MACROD2: variants seen among roughly 807,000 people sequenced by gnomAD.
MACROD2 encodes the protein ADP-ribose glycohydrolase MACROD2.
Under a neutral mutation model 70.4 loss-of-function variants are expected in MACROD2, and 36 were observed. The ratio of observed to expected loss-of-function variants is 0.51; its 90% CI spans 0.39 to 0.68. The LOEUF (loss-of-function observed/expected upper bound fraction) is 0.68. Among genes scored for constraint, MACROD2 ranks in the 30% least tolerant of loss-of-function variants. The pLI, the probability that MACROD2 is intolerant of heterozygous loss-of-function variation, is 0.00. For missense variants in MACROD2, 496 were observed against 538.4 expected (o/e 0.92, Z 0.78); for synonymous variants, 172 against 178.8 (o/e 0.96, Z 0.30).
At chr20:15,195,763 A>T (rs769228854) in intron 5 of MACROD2, among the ~76,000 whole-genome samples, 7 of 152,206 alleles carry the variant, frequency 4.6e-5, no homozygotes, top group Non-Finnish European at 7.3e-5. Context: ...TTATTCTATT[A>T]TAAAGATGCA....
At chr20:14,506,990 C>T (rs753614614) in intron 4 of MACROD2, among the ~76,000 whole-genome samples, 7 of 152,000 alleles carry the variant, frequency 4.6e-5, no homozygotes, top group Non-Finnish European at 7.4e-5. Flanking sequence ...TCCAGAGTTG[C>T]GATACTATAT....
intron 5 of MACROD2, among the ~76,000 whole-genome samples, chr20:14,865,907 T>C (rs2073423023): frequency 1.3e-5 from 2 of 152,136 alleles, no homozygotes; most frequent in African/African-American, 4.8e-5. Context: ...AAGATGTGCT[T>C]GCAACTTTCA....
intron 5 of MACROD2, among the ~76,000 whole-genome samples, chr20:14,784,155 G>A (rs6042918): frequency 0.037 from 5,638 of 151,960 alleles, 298 homozygotes; most frequent in East Asian, 0.11. Context: ...TCTCTTCCTC[G>A]CTCCTACAGT....
At chr20:14,155,055 ATC>A (rs1456515923) in intron 3 of MACROD2, among the ~76,000 whole-genome samples, 2 of 152,132 alleles carry the variant, frequency 1.3e-5, no homozygotes, top group African/African-American at 4.8e-5. Flanking sequence ...CGTAGTTGAA[ATC>A]TCTGTTAATT....
chr20:14,913,011 A>G (rs1040366273), intron 5 of MACROD2, among the ~76,000 whole-genome samples: 5 of 152,150 alleles, frequency 3.3e-5, no homozygotes, highest in African/African-American at 1.2e-4. Flanking sequence ...TCTCTCTTCT[A>G]TAGCCCTGTT....
intron 8 of MACROD2, among the ~76,000 whole-genome samples, chr20:15,695,855 G>C (rs2050361430): frequency 1.3e-5 from 2 of 152,032 alleles, no homozygotes; most frequent in Admixed American, 6.5e-5. Flanking sequence ...ATCACTGTTT[G>C]TGTGTAGAAG....
intron 5 of MACROD2, among the ~76,000 whole-genome samples, chr20:15,056,024 T>C (rs2075482346): frequency 6.6e-6 from 1 of 152,032 alleles, no homozygotes; most frequent in East Asian, 1.9e-4. Context: ...TGACCTCAAG[T>C]GATCCGCCTG....
intron 6 of MACROD2, among the ~76,000 whole-genome samples, chr20:15,235,347 G>A (rs889462537): frequency 3.3e-5 from 5 of 152,268 alleles, no homozygotes; most frequent in African/African-American, 1.2e-4. Context: ...ATTTCCACAA[G>A]CATCATGCTA....
chr20:14,456,071 A>G (rs2084299023), intron 3 of MACROD2, among the ~76,000 whole-genome samples: 1 of 151,810 alleles, frequency 6.6e-6, no homozygotes, highest in Non-Finnish European at 1.5e-5. Flanking sequence ...CTAAGGCCAT[A>G]ATCAAAATTA....
chr20:15,359,342 T>G (rs1355025215), intron 6 of MACROD2, among the ~76,000 whole-genome samples: 1 of 152,026 alleles, frequency 6.6e-6, no homozygotes, highest in Non-Finnish European at 1.5e-5. Flanking sequence ...TTTGGGAGAT[T>G]TTTTAATTTT....
chr20:15,230,029 A>G lies in MACROD2; in HGVS notation c.508A>G (p.Lys170Glu). ...DLANCYKSSL[K>E]LVKENNIRSV... Reference sequence around the variant, plus strand: ...TGCAAATTGCTATAAATCATCTCTGAAGCTCGTGAAAGAAAATAACATCCG... The same window carrying G: ...TGCAAATTGCTATAAATCATCTCTGGAGCTCGTGAAAGAAAATAACATCCG... Residue 170 changes from lysine to glutamate, a missense_variant, in exon 6 of 18, where the codon AAG (lysine) becomes GAG (glutamate). Coordinates refer to ENST00000684519, the MANE Select transcript of MACROD2 (RefSeq NM_001351661.2). 1 of 1,613,636 alleles carries G rather than the reference A, an allele frequency of 6.2e-7. No individual in the cohort carries two copies. Among genetic ancestry groups the G allele is most frequent in the Non-Finnish European group, 8.5e-7 (1 of 1,179,714 alleles).
intron 4 of MACROD2, among the ~76,000 whole-genome samples, chr20:14,643,691 A>T (rs746207136): frequency 6.6e-6 from 1 of 152,184 alleles, no homozygotes; most frequent in Non-Finnish European, 1.5e-5. Flanking sequence ...CAGTGTTTGC[A>T]TGTTAGATAG....
At chr20:14,447,610 C>A (rs1366569693) in intron 3 of MACROD2, among the ~76,000 whole-genome samples, 2 of 151,848 alleles carry the variant, frequency 1.3e-5, no homozygotes, top group Non-Finnish European at 2.9e-5. Flanking sequence ...ACAGCTAGCT[C>A]ATGTCTGATG....
At chr20:15,706,602 T>C (rs1307207066) in intron 8 of MACROD2, among the ~76,000 whole-genome samples, 1 of 152,146 alleles carries the variant, frequency 6.6e-6, no homozygotes, top group African/African-American at 2.4e-5. Flanking sequence ...AGAAAAGGAA[T>C]TTTACACGTC....
At chr20:15,924,060 A>G (rs1051063189) in intron 10 of MACROD2, among the ~76,000 whole-genome samples, 1 of 152,220 alleles carries the variant, frequency 6.6e-6, no homozygotes, top group East Asian at 1.9e-4. Context: ...TTTTGGAAAA[A>G]GTTCATACAA....
At chr20:15,201,382 GA>G (rs1017950651) in intron 5 of MACROD2, among the ~76,000 whole-genome samples, 4 of 152,074 alleles carry the variant, frequency 2.6e-5, no homozygotes, top group African/African-American at 9.7e-5. Context: ...ACATTCGCAG[GA>G]CCCAGGACAA....
At chr20:14,185,638 A>T (rs962475375) in intron 3 of MACROD2, among the ~76,000 whole-genome samples, 12 of 152,268 alleles carry the variant, frequency 7.9e-5, no homozygotes, top group Admixed American at 2.6e-4. Flanking sequence ...AAAATAATAT[A>T]AAATGCAAAG....
At chr20:15,469,585 G>A (rs1156229435) in intron 7 of MACROD2, among the ~76,000 whole-genome samples, 2 of 152,164 alleles carry the variant, frequency 1.3e-5, no homozygotes, top group Non-Finnish European at 2.9e-5. Context: ...AGGAGGGGGA[G>A]AGAAATCCAA....
At chr20:14,257,650 C>A (rs1025659751) in intron 3 of MACROD2, among the ~76,000 whole-genome samples, 55 of 152,190 alleles carry the variant, frequency 3.6e-4, no homozygotes, top group African/African-American at 1.2e-3. Flanking sequence ...TAAAGAGAGA[C>A]AAAATGTATG....
Sources: allele counts gnomAD v4.1 joint callset (sites outside exome capture counted in the v4.1 genomes callset), GRCh38; gene constraint gnomAD v4.1.1; transcripts MANE v1.5; gene names NCBI Gene and HGNC (gene_info 2026-07-23, HGNC 2026-07-21).